The following SOCS1 variants were observed in gnomAD, a reference collection of about 807,000 sequenced individuals.
SOCS1 encodes the protein JAK binding protein.
Under a neutral mutation model 9.7 loss-of-function variants are expected in SOCS1, and 3 were observed. That is an observed-to-expected ratio of 0.31 (90% CI 0.14 to 0.80). SOCS1 has a LOEUF of 0.80. SOCS1 is among the 30% of genes least tolerant of loss of function. The pLI, the probability that SOCS1 is intolerant of heterozygous loss-of-function variation, is 0.61. For missense variants in SOCS1, 368 were observed against 324.7 expected, an observed-to-expected ratio of 1.13 and a Z score of -1.02; for synonymous variants, 194 against 150.2, an observed-to-expected ratio of 1.29 and a Z score of -2.13.
At position 11,254,831 on chromosome 16, in the gene SOCS1, G is replaced by A. The variant is rs2141124109; in HGVS notation, c.*12C>T. The stretch of plus-strand genomic sequence containing the variant: ...TCCCAGTTAATGCTGCGTGCACGGC[G>A]GGCGCTGCCGGTCAAATCTGGAAGG... On this transcript the variant is annotated 3_prime_UTR_variant, in exon 2 of 2. Transcript: ENST00000332029. The A allele has an allele frequency of 6.1e-6, 9 of 1,468,856 alleles. No homozygotes were observed. Among genetic ancestry groups the A allele is most frequent in the Non-Finnish European group, 8.1e-6 (9 of 1,117,642 alleles). The allele number at this position is 1,468,856 out of a possible 1,614,324, so 91.0% of individuals were successfully genotyped here. A position where few individuals can be genotyped will look rare whatever the true frequency, so the allele number is the denominator to read the frequency against.
At position 11,255,339 on chromosome 16, in the gene SOCS1, G is replaced by A. The variant is rs985283832; in HGVS notation, c.140C>T (p.Ala47Val). Reference sequence around the variant, plus strand: ...GAAGTGCGTGTCGCCGGGGGCCGGGGCCGGGACCGCGGGGCACGGCCGCGG... The same window carrying A: ...GAAGTGCGTGTCGCCGGGGGCCGGGACCGGGACCGCGGGGCACGGCCGCGG... ...ARPRPCPAVP[A>V]PAPGDTHFRT... Residue 47 changes from alanine to valine, a missense_variant, in exon 2 of 2, where the codon GCC (alanine) becomes GTC (valine). By Grantham distance (64) the Ala-to-Val change is moderately conservative (BLOSUM62 0). Transcript: ENST00000332029. The A allele has an allele frequency of 1.8e-5, 26 of 1,428,690 alleles. No individual in the cohort carries two copies. The African/African-American group carries it at 3.6e-4, about 20-fold the overall frequency. 88.5% of individuals were successfully genotyped at this position (1,428,690 alleles called of 1,614,324 possible).
rs1597690752 is a variant in SOCS1, at chr16:11,254,591, G to A, written c.*252C>T. 2.2e-5 allele frequency: 9 copies of A among 402,088 alleles called. No homozygotes were observed. The East Asian group carries it at 3.5e-4, about 16-fold the overall frequency. 24.9% of individuals were successfully genotyped at this position (402,088 alleles called of 1,614,324 possible). The stretch of plus-strand genomic sequence containing the variant: ...GTAGGAGGTGCGAGTTCAGGTCCTG[G>A]CTCCAGATACAGTTAAGCTGCTACA... On this transcript the variant is annotated 3_prime_UTR_variant, in exon 2 of 2. Coordinates refer to ENST00000332029, the MANE Select transcript of SOCS1 (RefSeq NM_003745.2).
rs1201173704 is a variant in SOCS1 at position 11,254,426 on chromosome 16, A to G, written c.*417T>C. 4.3e-6 allele frequency: 1 copy of G among 232,044 alleles called. No homozygotes were observed. The highest frequency in any genetic ancestry group is 8.5e-6 in the Non-Finnish European group (1 of 117,844). The allele number at this position is 232,044 out of a possible 1,614,324, so 14.4% of individuals were successfully genotyped here. ...AAACTTATTTTTTTTTAAAAAAAAA[A>G]CTTTCATAATAAAGTTTATTACCTA... On this transcript the variant is annotated 3_prime_UTR_variant, in exon 2 of 2. Transcript: ENST00000332029.
rs752294496 is a variant in SOCS1 at position 11,254,891 on chromosome 16, G to A, written c.588C>T (p.Leu196=). The A allele has an allele frequency of 1.3e-6, 2 of 1,502,780 alleles. No individual in the cohort carries two copies. The highest frequency in any genetic ancestry group is 2.6e-5 in the East Asian group (1 of 38,110). The allele number at this position is 1,502,780 out of a possible 1,614,324, so 93.1% of individuals were successfully genotyped here. A position where few individuals can be genotyped will look rare whatever the true frequency, so the allele number is the denominator to read the frequency against. Residue 196 remains leucine, a synonymous_variant, in exon 2 of 2, where the codon CTC becomes CTT. Transcript: ENST00000332029. ...VGRENLARIP[L]NPVLRDYLSS... is the part of the protein sequence containing the mutation. ...TCAGGTAGTCGCGGAGGACGGGGTT[G>A]AGGGGGATGCGAGCCAGGTTCTCGC...
Position 11,255,149 on chromosome 16 carries a change from G to C in SOCS1, c.330C>G (p.Asn110Lys). ...TCTTCACGCTAAGGGCGAAAAAGCA[G>C]TTCCGCTGGCGGCTGTCGCGCACCA... is the stretch of plus-strand genomic sequence containing the variant. ...TFLVRDSRQR[N>K]CFFALSVKMA... Residue 110 changes from asparagine (N) to lysine (K), a missense_variant, in exon 2 of 2, where the codon AAC (asparagine) becomes AAG (lysine). By Grantham distance (94) the Asn-to-Lys change is moderately conservative (BLOSUM62 0). Transcript: ENST00000332029. 1 of 1,604,668 alleles carries C rather than the reference G, an allele frequency of 6.2e-7. No homozygotes were observed. The highest frequency in any genetic ancestry group is 8.5e-7 in the Non-Finnish European group (1 of 1,178,136).
Position 11,254,691 on chromosome 16 carries a change from C to A in SOCS1, c.*152G>T, listed in dbSNP as rs2069571957. 1 of 1,142,090 alleles carries A rather than the reference C, an allele frequency of 8.8e-7. No homozygotes were observed. The highest frequency in any genetic ancestry group is 1.1e-6 in the Non-Finnish European group (1 of 879,272). 70.7% of individuals were successfully genotyped at this position (1,142,090 alleles called of 1,614,324 possible). A position where few individuals can be genotyped will look rare whatever the true frequency, so the allele number is the denominator to read the frequency against. ...AGAGGTGAGAAGGGGTCTGCGGCCTCGTCTCCAGCCGAGGGCGGGAGGCGC... is the reference window on the plus strand; with the variant it reads ...AGAGGTGAGAAGGGGTCTGCGGCCTAGTCTCCAGCCGAGGGCGGGAGGCGC... On this transcript the variant is annotated 3_prime_UTR_variant, in exon 2 of 2. Coordinates refer to ENST00000332029, the MANE Select transcript of SOCS1 (RefSeq NM_003745.2).
Position 11,254,791 on chromosome 16 carries a change from C to T in SOCS1, c.*52G>A, listed in dbSNP as rs753605441. 7.0e-7 allele frequency: 1 copy of T among 1,431,356 alleles called. No homozygotes were observed. The highest frequency in any genetic ancestry group is 9.1e-7 in the Non-Finnish European group (1 of 1,095,322). 88.7% of individuals were successfully genotyped at this position (1,431,356 alleles called of 1,614,324 possible). A position where few individuals can be genotyped will look rare whatever the true frequency, so the allele number is the denominator to read the frequency against. ...CCACATGGTTCCAGGCAAGTAATAA[C>T]AAAATAACACGGCATCCCAGTTAAT... is the stretch of plus-strand genomic sequence containing the variant. On this transcript the variant is annotated 3_prime_UTR_variant, in exon 2 of 2. Coordinates refer to ENST00000332029, the MANE Select transcript of SOCS1 (RefSeq NM_003745.2).
Position 11,254,708 on chromosome 16 carries a change from G to T in SOCS1, c.*135C>A. ...TGCGGCCTCGTCTCCAGCCGAGGGC[G>T]GGAGGCGCCTCGCCCCTACACCCAT... On this transcript the variant is annotated 3_prime_UTR_variant, in exon 2 of 2. Coordinates refer to ENST00000332029, the MANE Select transcript of SOCS1 (RefSeq NM_003745.2). 3 of 1,236,096 alleles carry T rather than the reference G, an allele frequency of 2.4e-6. No homozygotes were observed. Among genetic ancestry groups the T allele is most frequent in the Non-Finnish European group, 3.1e-6 (3 of 962,830 alleles). 76.6% of individuals were successfully genotyped at this position (1,236,096 alleles called of 1,614,324 possible).
At chr16:11,255,634 G>A (rs988708975) in intron 1 of SOCS1, 106 bp from the exon 2 acceptor site, 1 of 404,774 alleles carries the variant, frequency 2.5e-6, no homozygotes. Context: ...CGGCCCTAGG[G>A]GGCGAGCACG....
At position 11,254,675 on chromosome 16, in the gene SOCS1, A is replaced by G. The variant is rs569224392; in HGVS notation, c.*168T>C. The G allele has an allele frequency of 2.1e-6, 2 of 954,714 alleles. No individual in the cohort carries two copies. Among genetic ancestry groups the G allele is most frequent in the South Asian group, 3.4e-5 (1 of 29,314 alleles). The allele number at this position is 954,714 out of a possible 1,614,324, so 59.1% of individuals were successfully genotyped here. A position where few individuals can be genotyped will look rare whatever the true frequency, so the allele number is the denominator to read the frequency against. On this transcript the variant is annotated 3_prime_UTR_variant, in exon 2 of 2. Transcript: ENST00000332029. ...GGGGAGGACCCCCTCAAGAGGTGAG[A>G]AGGGGTCTGCGGCCTCGTCTCCAGC...
rs938748385 is a variant in SOCS1 at position 11,254,714 on chromosome 16, C to T, written c.*129G>A. ...CTCGTCTCCAGCCGAGGGCGGGAGGCGCCTCGCCCCTACACCCATCCGCTC... is the reference window on the plus strand; with the variant it reads ...CTCGTCTCCAGCCGAGGGCGGGAGGTGCCTCGCCCCTACACCCATCCGCTC... On this transcript the variant is annotated 3_prime_UTR_variant, in exon 2 of 2. Transcript: ENST00000332029. The T allele has an allele frequency of 1.3e-5, 17 of 1,269,532 alleles. No homozygotes were observed. In the African/African-American group the frequency reaches 2.5e-4, roughly 19 times the overall value. The allele number at this position is 1,269,532 out of a possible 1,614,324, so 78.6% of individuals were successfully genotyped here.
At chr16:11,255,821 C>T (rs243332) in intron 1 of SOCS1, 55,238 of 207,662 alleles carry the variant, frequency 0.27, 7,710 homozygotes, top group South Asian at 0.33. Context: ...GCCGTCCGGC[C>T]CCGGCTCGCC....
Position 11,255,097 on chromosome 16 carries a change from C to G in SOCS1, c.382G>C (p.Val128Leu). 6.2e-7 allele frequency: 1 copy of G among 1,610,146 alleles called. No individual in the cohort carries two copies. The highest frequency in any genetic ancestry group is 1.1e-5 in the South Asian group (1 of 90,902). Residue 128 changes from valine to leucine, a missense_variant, in exon 2 of 2, where the codon GTG becomes CTG. Physicochemically the swap from Val to Leu is conservative, Grantham distance 32 (BLOSUM62 1). Coordinates refer to ENST00000332029, the MANE Select transcript of SOCS1 (RefSeq NM_003745.2). ...KMASGPTSIR[V>L]HFQAGRFHLD... ...TGAAAGCGGCCGGCCTGAAAGTGCACGCGGATGCTCGTGGGTCCCGAGGCC... is the reference window on the plus strand; with the variant it reads ...TGAAAGCGGCCGGCCTGAAAGTGCAGGCGGATGCTCGTGGGTCCCGAGGCC...
rs1407440579 is a variant in SOCS1 at position 11,254,878 on chromosome 16, G to A, written c.601C>T (p.Arg201Cys). ...AAGGGGAAGGAGCTCAGGTAGTCGC[G>A]GAGGACGGGGTTGAGGGGGATGCGA... The part of the protein sequence containing the change: ...LARIPLNPVL[R>C]DYLSSFPFQI Residue 201 changes from arginine (R) to cysteine (C), a missense_variant, in exon 2 of 2, where the codon CGC becomes TGC. Transcript: ENST00000332029. The A allele has an allele frequency of 4.7e-6, 7 of 1,492,284 alleles. No individual in the cohort carries two copies. Among genetic ancestry groups the A allele is most frequent in the Non-Finnish European group, 6.2e-6 (7 of 1,130,484 alleles). 92.4% of individuals were successfully genotyped at this position (1,492,284 alleles called of 1,614,324 possible).
chr16:11,255,016 C>T lies in SOCS1; in HGVS notation c.463G>A (p.Val155Met). The T allele has an allele frequency of 1.3e-6, 2 of 1,593,450 alleles. No homozygotes were observed. Among genetic ancestry groups the T allele is most frequent in the Non-Finnish European group, 1.7e-6 (2 of 1,172,250 alleles). Residue 155 changes from valine to methionine, a missense_variant, in exon 2 of 2, where the codon GTG becomes ATG. Coordinates refer to ENST00000332029, the MANE Select transcript of SOCS1 (RefSeq NM_003745.2). ...DCLFELLEHY[V>M]AAPRRMLGAP... ...CCCAGCATGCGGCGCGGCGCCGCCA[C>T]GTAGTGCTCCAGCAGCTCGAAGAGG...
chr16:11,254,861 G>T lies in SOCS1; in HGVS notation c.618C>A (p.Ser206=), dbSNP rs748006092. The T allele has an allele frequency of 2.0e-6, 3 of 1,486,936 alleles. No individual in the cohort carries two copies. The highest frequency in any genetic ancestry group is 2.7e-6 in the Non-Finnish European group (3 of 1,127,772). The allele number at this position is 1,486,936 out of a possible 1,614,324, so 92.1% of individuals were successfully genotyped here. A position where few individuals can be genotyped will look rare whatever the true frequency, so the allele number is the denominator to read the frequency against. Residue 206 remains serine (S), a synonymous_variant, in exon 2 of 2, where the codon TCC becomes TCA. Transcript: ENST00000332029. ...CTGCCGGTCAAATCTGGAAGGGGAA[G>T]GAGCTCAGGTAGTCGCGGAGGACGG... The part of the protein sequence containing the change: ...LNPVLRDYLS[S]FPFQI
Position 11,254,605 on chromosome 16 carries a change from T to G in SOCS1, c.*238A>C. On this transcript the variant is annotated 3_prime_UTR_variant, in exon 2 of 2. Transcript: ENST00000332029. ...TTCAGGTCCTGGCTCCAGATACAGT[T>G]AAGCTGCTACAACAACCAGGGGGAC... The G allele has an allele frequency of 2.3e-6, 1 of 436,850 alleles. No homozygotes were observed. The highest frequency in any genetic ancestry group is 3.9e-6 in the Non-Finnish European group (1 of 259,040). 27.1% of individuals were successfully genotyped at this position (436,850 alleles called of 1,614,324 possible).
chr16:11,254,707 CGG>C lies in SOCS1; in HGVS notation c.*134_*135del. The C allele has an allele frequency of 8.1e-7, 1 of 1,235,614 alleles. No homozygotes were observed. The highest frequency in any genetic ancestry group is 1.0e-6 in the Non-Finnish European group (1 of 962,646). The allele number at this position is 1,235,614 out of a possible 1,614,324, so 76.5% of individuals were successfully genotyped here. The stretch of plus-strand genomic sequence containing the variant: ...CTGCGGCCTCGTCTCCAGCCGAGGG[CGG>C]GAGGCGCCTCGCCCCTACACCCATC... On this transcript the variant is annotated 3_prime_UTR_variant, in exon 2 of 2. Transcript: ENST00000332029.
rs2069584323 is a variant in SOCS1, at chr16:11,255,273, C to T, written c.206G>A (p.Arg69His). ...GCAGGCGTCCAGGAGCGCGCTGGCG[C>T]GCGTGATGCGCCGGTAATCGGCGTG... ...RSHADYRRITRASALLDACGF... is the reference protein window; with the variant it reads ...RSHADYRRITHASALLDACGF... Residue 69 changes from arginine to histidine, a missense_variant, in exon 2 of 2, where the codon CGC becomes CAC. Coordinates refer to ENST00000332029, the MANE Select transcript of SOCS1 (RefSeq NM_003745.2). The T allele has an allele frequency of 6.5e-7, 1 of 1,538,252 alleles. No individual in the cohort carries two copies. Among genetic ancestry groups the T allele is most frequent in the East Asian group, 2.5e-5 (1 of 39,462 alleles).
Sources: gnomAD v4.1 joint callset for allele counts on GRCh38, gnomAD v4.1.1 for gene constraint, MANE v1.5 for transcripts, NCBI Gene and HGNC (gene_info 2026-07-23, HGNC 2026-07-21) for gene names.